ANTXR1: variants seen among roughly 807,000 people sequenced by gnomAD.
ANTXR1 encodes the protein anthrax toxin receptor 1.
ANTXR1 carries 19 observed loss-of-function variants against 78.1 expected under a neutral mutation model. That is an observed-to-expected ratio of 0.24 (90% CI 0.17 to 0.36). The LOEUF (loss-of-function observed/expected upper bound fraction) is 0.36. ANTXR1 is among the 10% of genes least tolerant of loss of function. The probability of loss-of-function intolerance (pLI) is 1.00; values close to 1 mark genes in which losing one functional copy is unlikely to be tolerated. For missense variants in ANTXR1, 518 were observed against 718.6 expected (o/e 0.72, Z 3.19); for synonymous variants, 273 against 260.5 (o/e 1.05, Z -0.46).
At chr2:69,169,381 A>G (rs1404652796) in intron 13 of ANTXR1, among the ~76,000 whole-genome samples, 1 of 152,242 alleles carries the variant, frequency 6.6e-6, no homozygotes, top group Non-Finnish European at 1.5e-5. Flanking sequence ...GTGGAATTAT[A>G]GTAGATAATT....
chr2:69,013,161 G>A, upstream of ANTXR1: 1 of 220,894 alleles, frequency 4.5e-6, no homozygotes, highest in Non-Finnish European at 7.8e-6. This position sits in a 1 kb window ranked among gnomAD's most constrained non-coding sequence, Gnocchi z 5.0. Flanking sequence ...TTAAAATCTG[G>A]GACAAAGAAC....
At chr2:69,129,459 A>C (rs1316752820) in intron 12 of ANTXR1, among the ~76,000 whole-genome samples, 1 of 152,192 alleles carries the variant, frequency 6.6e-6, no homozygotes, top group African/African-American at 2.4e-5. Flanking sequence ...AGCATATAAA[A>C]GAGTGTATAA....
At chr2:69,235,565 T>C (rs1308443618) in intron 17 of ANTXR1, among the ~76,000 whole-genome samples, 1 of 144,390 alleles carries the variant, frequency 6.9e-6, no homozygotes, top group Non-Finnish European at 1.5e-5. Context: ...GGTGGGAGGA[T>C]CACTTGAACC....
Position 69,044,720 on chromosome 2 carries a change from T to C in ANTXR1, c.225-22T>C, listed in dbSNP as rs763277661. 54 of 1,613,068 alleles carry C rather than the reference T, an allele frequency of 3.3e-5. No individual in the cohort carries two copies. In the East Asian group the frequency reaches 9.1e-4, roughly 27 times the overall value. ...TGCGCAGTCTTATTGTCTGTCCTAA[T>C]AGAGCTTCTTTTCCTTTCCAGCCCA... is the stretch of plus-strand genomic sequence containing the variant. On this transcript the variant is annotated intron_variant, in intron 2 of 17. Coordinates refer to ENST00000303714, the MANE Select transcript of ANTXR1 (RefSeq NM_032208.3).
intron 3 of ANTXR1, among the ~76,000 whole-genome samples, chr2:69,070,369 G>A (rs927193867): frequency 1.3e-5 from 2 of 152,284 alleles, no homozygotes; most frequent in Admixed American, 1.3e-4. Flanking sequence ...TTCCAATGTA[G>A]AAGGAAAACA....
At chr2:69,180,297 C>A (rs1481437892) in intron 14 of ANTXR1, among the ~76,000 whole-genome samples, 2 of 152,252 alleles carry the variant, frequency 1.3e-5, no homozygotes, top group African/African-American at 4.8e-5. Flanking sequence ...CAGGCTTCAG[C>A]ATTGTGAGCA....
At chr2:69,075,706 T>A (rs1670709798) in intron 7 of ANTXR1, 48 bp downstream of exon 7, 1 of 1,543,326 alleles carries the variant, frequency 6.5e-7, no homozygotes, top group Non-Finnish European at 9.0e-7. Context: ...AGCTTGTGAA[T>A]CATGAAGAAC....
intron 17 of ANTXR1, among the ~76,000 whole-genome samples, chr2:69,226,597 A>C (rs1399821525): frequency 6.6e-6 from 1 of 152,208 alleles, no homozygotes; most frequent in East Asian, 1.9e-4. Context: ...AGGCCCATCC[A>C]GGTACTTGGG....
rs997445853 is a variant in ANTXR1 at position 69,013,913 on chromosome 2, C to T, written c.152+262C>T. Among the ~76,000 whole-genome samples, 11 of 152,200 alleles carry T rather than the reference C, an allele frequency of 7.2e-5. No homozygotes were observed. Among genetic ancestry groups the T allele is most frequent in the African/African-American group, 2.4e-4 (10 of 41,462 alleles). On this transcript the variant is annotated intron_variant, in intron 1 of 17. Coordinates refer to ENST00000303714, the MANE Select transcript of ANTXR1 (RefSeq NM_032208.3). This position sits in a 1 kb window ranked among gnomAD's most constrained non-coding sequence, Gnocchi z 5.0. ...CTTTTCTGTCTTGCTTTCTGTGTCC[C>T]AGGAGCAGGCAAGGGGCTTGGAGGA...
chr2:69,147,843 A>G (rs1041999787), intron 12 of ANTXR1, among the ~76,000 whole-genome samples: 5 of 152,230 alleles, frequency 3.3e-5, no homozygotes, highest in African/African-American at 1.2e-4. Flanking sequence ...AGGGGGTAAC[A>G]GTTCCTACAA....
intron 17 of ANTXR1, among the ~76,000 whole-genome samples, chr2:69,202,533 T>A (rs1355048982): frequency 6.6e-6 from 1 of 152,204 alleles, no homozygotes; most frequent in East Asian, 1.9e-4. Flanking sequence ...TAAGTGCGTG[T>A]GGCAGAGATC....
At chr2:69,079,084 T>C (rs1306452090) in intron 8 of ANTXR1, among the ~76,000 whole-genome samples, 1 of 152,186 alleles carries the variant, frequency 6.6e-6, no homozygotes, top group East Asian at 1.9e-4. Flanking sequence ...CCAATGACAG[T>C]TGTTTTATTC....
chr2:69,071,692 T>A, intron 4 of ANTXR1, 62 bp from the exon 5 acceptor site: 2 of 1,545,012 alleles, frequency 1.3e-6, no homozygotes, highest in East Asian at 2.2e-5. Context: ...CATTATCCAC[T>A]ATGGTTTTTG....
chr2:69,028,474 C>A, intron 1 of ANTXR1, among the ~76,000 whole-genome samples: 1 of 151,164 alleles, frequency 6.6e-6, no homozygotes. Context: ...AATGTTATAC[C>A]TAGCCAAGAT....
intron 10 of ANTXR1, among the ~76,000 whole-genome samples, chr2:69,106,678 C>T (rs1161481929): frequency 3.9e-5 from 6 of 152,250 alleles, no homozygotes. Flanking sequence ...AGAAACTAGC[C>T]CCAAAATGTG....
chr2:69,209,710 C>T (rs1023298349), intron 17 of ANTXR1, among the ~76,000 whole-genome samples: 2 of 152,198 alleles, frequency 1.3e-5, no homozygotes, highest in South Asian at 2.1e-4. Context: ...AGGCACAAGG[C>T]CTGCAAGGCT....
intron 1 of ANTXR1, among the ~76,000 whole-genome samples, chr2:69,028,265 T>C (rs1253530994): frequency 6.6e-6 from 1 of 152,194 alleles, no homozygotes; most frequent in Admixed American, 6.5e-5. Context: ...CAATTAATTA[T>C]TCATTAAAAA....
chr2:69,125,609 G>A (rs1054232313), intron 12 of ANTXR1, among the ~76,000 whole-genome samples: 13 of 152,186 alleles, frequency 8.5e-5, no homozygotes, highest in African/African-American at 3.1e-4. Context: ...GGGAGGCTGA[G>A]GTGCATGGAT....
At chr2:69,044,598 G>A in intron 2 of ANTXR1, 144 bp from the exon 3 acceptor site, 1 of 804,748 alleles carries the variant, frequency 1.2e-6, no homozygotes, top group Admixed American at 1.9e-5. Context: ...AACACCCGCA[G>A]CACCAGCCTA....
Sources: allele counts gnomAD v4.1 joint callset (sites outside exome capture counted in the v4.1 genomes callset), GRCh38; gene constraint gnomAD v4.1.1; non-coding constraint Gnocchi (gnomAD v3.1); transcripts MANE v1.5; gene names NCBI Gene and HGNC (gene_info 2026-07-23, HGNC 2026-07-21).